Variants in TACC1 observed in about 807,000 individuals in gnomAD.
The protein encoded by TACC1 is transforming acidic coiled-coil-containing protein 1.
In TACC1, 48 loss-of-function variants were observed where a neutral mutation model predicts 84.4. That is an observed-to-expected ratio of 0.57 (90% confidence interval 0.45 to 0.72). The LOEUF is 0.72. Among genes scored for constraint, TACC1 ranks in the 30% least tolerant of loss-of-function variants. The pLI is 0.00. For synonymous variants in TACC1, 372 were observed against 376.3 expected (o/e 0.99, Z 0.13); for missense variants, 920 against 973.0 (o/e 0.95, Z 0.72).
chr8:38,828,728 G>A (rs919325520), intron 5 of TACC1, among the ~76,000 whole-genome samples: 10 of 152,306 alleles, frequency 6.6e-5, no homozygotes, highest in Admixed American at 3.3e-4. Flanking sequence ...GAGAGGGGCC[G>A]AGAGACCTCC....
At chr8:38,732,180 GGAAGAGGGAAAGGAAA>G in intron 1 of TACC1, among the ~76,000 whole-genome samples, 1 of 104,782 alleles carries the variant, frequency 9.5e-6, no homozygotes, top group Non-Finnish European at 2.0e-5. Context: ...AAGGAAGGAA[GGAAGAGGGAAAGGAAA>G]GGAAAGGAAA....
rs143394631 is a variant in TACC1, at chr8:38,843,353, G to A, written c.2186G>A (p.Arg729Gln). The A allele has an allele frequency of 7.5e-5, 120 of 1,609,378 alleles. No individual in the cohort carries two copies. Among genetic ancestry groups the A allele is most frequent in the Non-Finnish European group, 9.6e-5 (113 of 1,177,724 alleles). ...YLARVKQEEQ[R>Q]YQALKIHAEE... Reference sequence around the variant, plus strand: ...GCCAGAGTTAAACAAGAGGAGCAGCGATACCAGGCCCTGAAAATCCACGCA... The same window carrying A: ...GCCAGAGTTAAACAAGAGGAGCAGCAATACCAGGCCCTGAAAATCCACGCA... The change falls in exon 11 of 13, where the codon CGA (arginine) becomes CAA (glutamine). Residue 729 changes from arginine (R) to glutamine (Q), a missense_variant. Physicochemically the swap from Arg to Gln is conservative, Grantham distance 43 (BLOSUM62 1). Transcript: ENST00000317827.
chr8:38,814,531 A>C (rs1352740226), intron 2 of TACC1, among the ~76,000 whole-genome samples: 2 of 152,230 alleles, frequency 1.3e-5, no homozygotes, highest in Non-Finnish European at 2.9e-5. Context: ...GCAATAGGCT[A>C]TACCATAGGT....
At chr8:38,802,603 GGCTGGGTAAT>G (rs1199612450) in intron 2 of TACC1, among the ~76,000 whole-genome samples, 2 of 152,174 alleles carry the variant, frequency 1.3e-5, no homozygotes, top group Non-Finnish European at 2.9e-5. Flanking sequence ...GAATACCTGA[GGCTGGGTAAT>G]TCTAAAGAAA....
chr8:38,750,742 AGACATGTAT>A (rs1161669058), intron 3 of TACC1, among the ~76,000 whole-genome samples: 2 of 152,238 alleles, frequency 1.3e-5, no homozygotes. Context: ...ACTTAGCAAA[AGACATGTAT>A]GACCTGTAGG....
In TACC1 at chr8:38,852,449, T is replaced by G. The variant is rs879790033; in HGVS notation, c.*4426T>G. The G allele has an allele frequency of 2.0e-5, 3 of 153,206 alleles. No homozygotes were observed. The highest frequency in any genetic ancestry group is 4.4e-5 in the Non-Finnish European group (3 of 68,696). 9.5% of individuals were successfully genotyped at this position (153,206 alleles called of 1,614,324 possible). A position where few individuals can be genotyped will look rare whatever the true frequency, so the allele number is the denominator to read the frequency against. On this transcript the variant is annotated 3_prime_UTR_variant, in exon 13 of 13. Coordinates refer to ENST00000317827, the MANE Select transcript of TACC1 (RefSeq NM_006283.3). ...AGATGTCACTTTCTCCCCCTCTGCC[T>G]TTTAGTGGTATCTGACATATACTCA...
At chr8:38,810,088 C>G (rs1273604538) in intron 2 of TACC1, among the ~76,000 whole-genome samples, 1 of 152,164 alleles carries the variant, frequency 6.6e-6, no homozygotes, top group African/African-American at 2.4e-5. Flanking sequence ...GCCATACTTG[C>G]TTCCACCATC....
chr8:38,743,946 A>G (rs1807572827), intron 2 of TACC1: 1 of 152,260 alleles, frequency 6.6e-6, no homozygotes, highest in South Asian at 2.1e-4. Flanking sequence ...CAGAGCCTCC[A>G]TGGTTTCAGG....
At chr8:38,810,888 AG>A (rs1024860890) in intron 2 of TACC1, among the ~76,000 whole-genome samples, 4 of 152,150 alleles carry the variant, frequency 2.6e-5, no homozygotes, top group Non-Finnish European at 4.4e-5. Context: ...AGACTGAAGT[AG>A]GAGGATGATG....
chr8:38,797,804 G>A (rs1278157644), intron 2 of TACC1, among the ~76,000 whole-genome samples: 3 of 152,204 alleles, frequency 2.0e-5, no homozygotes, highest in African/African-American at 7.2e-5. Flanking sequence ...CTGTTAGCAC[G>A]TGCTCTTTCC....
intron 3 of TACC1, among the ~76,000 whole-genome samples, chr8:38,763,016 T>A (rs1811522104): frequency 6.6e-6 from 1 of 152,232 alleles, no homozygotes; most frequent in Non-Finnish European, 1.5e-5. Flanking sequence ...CCATAGTGGC[T>A]GCACCATTTG....
chr8:38,804,677 A>G (rs1030619231), intron 2 of TACC1, among the ~76,000 whole-genome samples: 6 of 152,012 alleles, frequency 3.9e-5, no homozygotes, highest in Admixed American at 2.0e-4. Context: ...ATCACAGCTC[A>G]CTGCAACCTC....
chr8:38,775,084 T>C (rs1163424205), intron 3 of TACC1, among the ~76,000 whole-genome samples: 1 of 152,138 alleles, frequency 6.6e-6, no homozygotes, highest in Non-Finnish European at 1.5e-5. Context: ...GTATTTGCTT[T>C]ATAAAACAAT....
At chr8:38,811,492 A>G (rs181841006) in intron 2 of TACC1, among the ~76,000 whole-genome samples, 2 of 152,384 alleles carry the variant, frequency 1.3e-5, no homozygotes, top group African/African-American at 2.4e-5. Flanking sequence ...TAAATCGTGA[A>G]GATTTCATGG....
At chr8:38,842,240 C>G in intron 9 of TACC1, 47 bp from the exon 10 acceptor site, 1 of 1,587,482 alleles carries the variant, frequency 6.3e-7, no homozygotes, top group Non-Finnish European at 8.6e-7. Context: ...TAAGGAGTGT[C>G]TATTTTTTGA....
chr8:38,830,509 C>T (rs1828988978), intron 5 of TACC1, among the ~76,000 whole-genome samples: 1 of 152,176 alleles, frequency 6.6e-6, no homozygotes, highest in African/African-American at 2.4e-5. Context: ...TCAGATGATC[C>T]ACCCACCTTG....
rs377154575 is a variant in TACC1 at position 38,742,928 on chromosome 8, C to T, written c.-574+477C>T. On this transcript the variant is annotated intron_variant, in intron 2 of 14. Transcript: ENST00000518415. Reference sequence around the variant, plus strand: ...CAGGGTCTCACCATGTTGGCCAGGCCGGTCTCGAACTCCTGACCTCAAGAG... The same window carrying T: ...CAGGGTCTCACCATGTTGGCCAGGCTGGTCTCGAACTCCTGACCTCAAGAG... 1.6e-4 allele frequency among the ~76,000 whole-genome samples: 25 copies of T among 152,198 alleles called. No individual in the cohort carries two copies. The East Asian group carries it at 3.5e-3, about 21-fold the overall frequency.
At position 38,852,013 on chromosome 8, in the gene TACC1, G is replaced by C. The variant is rs946912097; in HGVS notation, c.*3990G>C. ...TGAGTCTCCATAGAGTAACAGTAAAGAAACTGATGTAACAGACTCTCCTCT... is the reference window on the plus strand; with the variant it reads ...TGAGTCTCCATAGAGTAACAGTAAACAAACTGATGTAACAGACTCTCCTCT... On this transcript the variant is annotated 3_prime_UTR_variant, in exon 13 of 13. Transcript: ENST00000317827. 2 of 455,464 alleles carry C rather than the reference G, an allele frequency of 4.4e-6. No homozygotes were observed. Among genetic ancestry groups the C allele is most frequent in the Admixed American group, 4.7e-5 (2 of 42,378 alleles). The allele number at this position is 455,464 out of a possible 1,614,324, so 28.2% of individuals were successfully genotyped here.
At chr8:38,781,566 A>G (rs1002923261) in intron 3 of TACC1, among the ~76,000 whole-genome samples, 2 of 152,088 alleles carry the variant, frequency 1.3e-5, no homozygotes, top group African/African-American at 4.8e-5. Flanking sequence ...TCTTTAGTAG[A>G]GACGGGGTTT....
Sources: allele counts gnomAD v4.1 joint callset (sites outside exome capture counted in the v4.1 genomes callset), GRCh38; gene constraint gnomAD v4.1.1; transcripts MANE v1.5; gene names NCBI Gene and HGNC (gene_info 2026-07-23, HGNC 2026-07-21).